The following FSTL4 variants were observed in gnomAD, a reference collection of about 807,000 sequenced individuals.
FSTL4 encodes follistatin-related protein 4.
FSTL4 carries 28 observed loss-of-function variants against 78.2 expected under a neutral mutation model. The observed-to-expected ratio is 0.36, with a 90% CI of 0.27 to 0.49. The LOEUF is 0.49. Ranked by LOEUF, FSTL4 falls within the 20% of genes least tolerant of loss-of-function variation. FSTL4 has a pLI of 0.98. For missense variants in FSTL4, 922 were observed against 1,084.9 expected (o/e 0.85, Z 2.11); for synonymous variants, 422 against 440.5 (o/e 0.96, Z 0.53).
intron 3 of FSTL4, among the ~76,000 whole-genome samples, chr5:133,564,703 C>A (rs1759989719): frequency 6.6e-6 from 1 of 150,600 alleles, no homozygotes; most frequent in Non-Finnish European, 1.5e-5. Flanking sequence ...GGATGAGGGA[C>A]AAGGCATGCA....
At chr5:133,283,665 C>T (rs1416815403) in intron 6 of FSTL4, among the ~76,000 whole-genome samples, 2 of 152,102 alleles carry the variant, frequency 1.3e-5, no homozygotes, top group East Asian at 1.9e-4. Flanking sequence ...TTGCCAGGGG[C>T]AGTGGCTCAT....
At chr5:133,221,913 T>TTTTTTTTTTTTTTGTG (rs1751140199) in intron 11 of FSTL4, among the ~76,000 whole-genome samples, 1 of 97,806 alleles carries the variant, frequency 1.0e-5, no homozygotes, top group African/African-American at 4.6e-5. Context: ...TTTTTTTTTT[T>TTTTTTTTTTTTTTGTG]TTTTTTTTTT....
intron 6 of FSTL4, among the ~76,000 whole-genome samples, chr5:133,290,811 T>C (rs1753244563): frequency 6.6e-6 from 1 of 152,252 alleles, no homozygotes; most frequent in African/African-American, 2.4e-5. Context: ...CACCTGCCTT[T>C]GGCCCGCGGT....
At chr5:133,756,090 G>A in the FSTL4 span, among the ~76,000 whole-genome samples, 1 of 152,164 alleles carries the variant, frequency 6.6e-6, no homozygotes, top group Non-Finnish European at 1.5e-5. Flanking sequence ...TGTTAAGTAG[G>A]GAGGAGGCAG....
intron 3 of FSTL4, among the ~76,000 whole-genome samples, chr5:133,482,050 G>A (rs1580737032): frequency 6.6e-6 from 1 of 152,256 alleles, no homozygotes; most frequent in African/African-American, 2.4e-5. Flanking sequence ...GTCTGGCGAT[G>A]TCTGCCTGCA....
chr5:133,457,714 T>G (rs1168143534), intron 3 of FSTL4: 1 of 152,268 alleles, frequency 6.6e-6, no homozygotes, highest in African/African-American at 2.4e-5. Flanking sequence ...ATCTCAAGTC[T>G]GCATTGCCCC....
At chr5:133,506,866 A>C (rs2112883299) in intron 3 of FSTL4, among the ~76,000 whole-genome samples, 1 of 152,378 alleles carries the variant, frequency 6.6e-6, no homozygotes, top group African/African-American at 2.4e-5. Flanking sequence ...ATTAACAAAC[A>C]GCACGTATTT....
the FSTL4 span, among the ~76,000 whole-genome samples, chr5:133,644,030 C>T: frequency 0.097 from 14,779 of 152,164 alleles, 844 homozygotes; most frequent in South Asian, 0.17. Context: ...TAAAAGATTT[C>T]CTAAATTCAA....
chr5:133,274,380 C>CTTTCTTTTTTTTTTT (rs1752831459), intron 6 of FSTL4, among the ~76,000 whole-genome samples: 1 of 71,030 alleles, frequency 1.4e-5, no homozygotes, highest in Non-Finnish European at 2.4e-5. Context: ...GCAATCTGTG[C>CTTTCTTTTTTTTTTT]TTTTTTTTTT....
chr5:133,397,957 C>T (rs1460240256), intron 4 of FSTL4, among the ~76,000 whole-genome samples: 2 of 152,158 alleles, frequency 1.3e-5, no homozygotes, highest in East Asian at 1.9e-4. Context: ...AACTGTCATT[C>T]GTGGACCTCA....
chr5:133,573,209 A>G (rs1407629579), intron 2 of FSTL4, among the ~76,000 whole-genome samples: 1 of 151,916 alleles, frequency 6.6e-6, no homozygotes, highest in African/African-American at 2.4e-5. Flanking sequence ...GCGCCACTGC[A>G]CTCCAGCCTG....
intron 11 of FSTL4, among the ~76,000 whole-genome samples, chr5:133,222,362 T>C (rs1320432706): frequency 2.0e-5 from 3 of 152,118 alleles, no homozygotes; most frequent in Non-Finnish European, 4.4e-5. Flanking sequence ...AGCATCTCAG[T>C]GTTTGGAGCC....
chr5:133,384,759 G>A (rs1755659164), intron 4 of FSTL4, among the ~76,000 whole-genome samples: 1 of 152,130 alleles, frequency 6.6e-6, no homozygotes. Context: ...GCCTCCCCTT[G>A]CATCCAGGAG....
chr5:133,295,031 C>A (rs1210229314), intron 6 of FSTL4, among the ~76,000 whole-genome samples: 1 of 152,134 alleles, frequency 6.6e-6, no homozygotes, highest in Admixed American at 6.5e-5. Flanking sequence ...AGGACTAGGG[C>A]CCTCAAGTGG....
intron 3 of FSTL4, among the ~76,000 whole-genome samples, chr5:133,548,825 G>A (rs963652900): frequency 2.0e-5 from 3 of 152,120 alleles, no homozygotes; most frequent in African/African-American, 7.2e-5. Flanking sequence ...ATTGAAGCTT[G>A]AAGGGGGAAA....
the FSTL4 span, among the ~76,000 whole-genome samples, chr5:133,641,254 AC>A: frequency 8.1e-5 from 12 of 147,968 alleles, no homozygotes; most frequent in Admixed American, 2.7e-4. Flanking sequence ...ACAAAACAAA[AC>A]ACACACACAA....
chr5:133,385,297 A>T (rs1291483111), intron 4 of FSTL4, among the ~76,000 whole-genome samples: 2 of 152,274 alleles, frequency 1.3e-5, no homozygotes, highest in African/African-American at 4.8e-5. Context: ...CGTGAAACAC[A>T]AGAATGAAAC....
At chr5:133,542,503 G>T (rs762125440) in intron 3 of FSTL4, among the ~76,000 whole-genome samples, 11 of 152,086 alleles carry the variant, frequency 7.2e-5, no homozygotes, top group Non-Finnish European at 1.3e-4. Flanking sequence ...CTGGATTCTG[G>T]AGTAGTTCAT....
Position 133,217,246 on chromosome 5 carries a change from C to G in FSTL4, c.1591G>C (p.Ala531Pro). 6.2e-7 allele frequency: 1 copy of G among 1,614,014 alleles called. No homozygotes were observed. Among genetic ancestry groups the G allele is most frequent in the South Asian group, 1.1e-5 (1 of 91,052 alleles). Residue 531 changes from alanine to proline, a missense_variant, in exon 13 of 16, where the codon GCC (alanine) becomes CCC (proline). By Grantham distance (27) the Ala-to-Pro change is conservative. Transcript: ENST00000265342. Reference sequence around the variant, plus strand: ...AGGTGTACCTGTAGGACTTTCTGGGCTTGGATGTCGACCACAAGGACTCTG... The same window carrying G: ...AGGTGTACCTGTAGGACTTTCTGGGGTTGGATGTCGACCACAAGGACTCTG... ...LSRVLVVDIQ[A>P]QKVLQSIGVD...
Sources: gnomAD v4.1 joint callset for allele counts (sites outside exome capture counted in the v4.1 genomes callset) on GRCh38, gnomAD v4.1.1 for gene constraint, MANE v1.5 for transcripts, NCBI Gene and HGNC (gene_info 2026-07-23, HGNC 2026-07-21) for gene names.